Variants in CPA6 observed in about 807,000 individuals in gnomAD.
The protein encoded by CPA6 is carboxypeptidase A6, also known as carboxypeptidase B.
A neutral mutation model predicts 63.3 loss-of-function variants in CPA6; 58 were observed. That is an observed-to-expected ratio of 0.92 (90% CI 0.74 to 1.14). The LOEUF (loss-of-function observed/expected upper bound fraction) is 1.14. Ranked by LOEUF, CPA6 falls within the 50% of genes most tolerant of loss-of-function variation. The probability of loss-of-function intolerance (pLI) is 0.00; values close to 1 mark genes in which losing one functional copy is unlikely to be tolerated. For missense variants in CPA6, 565 were observed against 526.6 expected (o/e 1.07, Z -0.71); for synonymous variants, 185 against 179.0 (o/e 1.03, Z -0.27).
intron 1 of CPA6, among the ~76,000 whole-genome samples, chr8:67,705,361 G>A (rs1050119145): frequency 1.3e-5 from 2 of 152,148 alleles, no homozygotes; most frequent in Non-Finnish European, 2.9e-5. Flanking sequence ...CTCTGGAGGT[G>A]GCAAGTAAAA....
chr8:67,567,130 TACTC>T (rs1366665889), intron 2 of CPA6, among the ~76,000 whole-genome samples: 1 of 152,196 alleles, frequency 6.6e-6, no homozygotes, highest in Non-Finnish European at 1.5e-5. Context: ...GCCTCTACCT[TACTC>T]ACCTCTTTCT....
chr8:67,728,761 C>T lies in CPA6; in HGVS notation c.116+17253G>A, dbSNP rs114709099. Reference sequence around the variant, plus strand: ...TATTTTAGATATGAGAAAATTGAGGCACAGGGATATTAAGTAATTCCTTCC... The same window carrying T: ...TATTTTAGATATGAGAAAATTGAGGTACAGGGATATTAAGTAATTCCTTCC... On this transcript the variant is annotated intron_variant, in intron 1 of 10. Transcript: ENST00000297770. Among the ~76,000 whole-genome samples, 854 of 152,224 alleles carry T rather than the reference C, an allele frequency of 5.6e-3. 12 individuals carry two copies. The highest frequency in any genetic ancestry group is 0.017 in the African/African-American group (701 of 41,528).
chr8:67,579,041 T>G (rs950584948), intron 2 of CPA6, among the ~76,000 whole-genome samples: 3 of 152,234 alleles, frequency 2.0e-5, no homozygotes, highest in African/African-American at 7.2e-5. Context: ...CTTTAATATA[T>G]TTAAACAACG....
chr8:67,630,945 C>T (rs527535417), intron 1 of CPA6, among the ~76,000 whole-genome samples: 4 of 152,382 alleles, frequency 2.6e-5, no homozygotes, highest in Non-Finnish European at 5.9e-5. Context: ...CTTGCCAGGC[C>T]TCAGCTGCCT....
intron 8 of CPA6, among the ~76,000 whole-genome samples, chr8:67,437,550 G>A (rs189231739): frequency 3.7e-4 from 56 of 152,296 alleles, no homozygotes; most frequent in African/African-American, 1.3e-3. Context: ...CAGAACTGAT[G>A]AGCCAGAGAA....
intron 1 of CPA6, among the ~76,000 whole-genome samples, chr8:67,692,191 C>T (rs978130560): frequency 1.3e-5 from 2 of 152,086 alleles, no homozygotes; most frequent in Non-Finnish European, 2.9e-5. Flanking sequence ...ACAAAATTAG[C>T]CGGGCATGGT....
chr8:67,458,132 A>G (rs1037758362), intron 8 of CPA6, among the ~76,000 whole-genome samples: 1 of 152,224 alleles, frequency 6.6e-6, no homozygotes, highest in Non-Finnish European at 1.5e-5. Flanking sequence ...ATGTAAAAAG[A>G]AAAACTCTAA....
At chr8:67,448,451 T>C (rs1369995409) in intron 8 of CPA6, among the ~76,000 whole-genome samples, 6 of 151,402 alleles carry the variant, frequency 4.0e-5, no homozygotes, top group African/African-American at 1.2e-4. Flanking sequence ...GGCAACATGG[T>C]AAAACCAAGT....
At chr8:67,647,335 C>CTTTCTT (rs576153485) in intron 1 of CPA6, among the ~76,000 whole-genome samples, 2 of 145,174 alleles carry the variant, frequency 1.4e-5, no homozygotes, top group Non-Finnish European at 1.5e-5. Context: ...ATAGGATAAT[C>CTTTCTT]TTTTTTTTTT....
At chr8:67,737,654 A>C (rs913634711) in intron 1 of CPA6, among the ~76,000 whole-genome samples, 1 of 152,194 alleles carries the variant, frequency 6.6e-6, no homozygotes, top group Non-Finnish European at 1.5e-5. Context: ...CTGCTCTTTC[A>C]TCTCTGTAGT....
intron 1 of CPA6, among the ~76,000 whole-genome samples, chr8:67,664,569 G>A (rs1816187012): frequency 6.6e-6 from 1 of 152,114 alleles, no homozygotes; most frequent in South Asian, 2.1e-4. Context: ...CCAAGCTCCA[G>A]AAACAGCCCC....
At chr8:67,647,887 AC>A (rs1815748343) in intron 1 of CPA6, among the ~76,000 whole-genome samples, 2 of 151,834 alleles carry the variant, frequency 1.3e-5, no homozygotes, top group South Asian at 4.2e-4. Flanking sequence ...ATCATTTACT[AC>A]CCCCCTAAAA....
intron 1 of CPA6, among the ~76,000 whole-genome samples, chr8:67,626,867 C>CTTT (rs200573210): frequency 7.0e-6 from 1 of 142,070 alleles, no homozygotes; most frequent in African/African-American, 2.6e-5. Flanking sequence ...ATGAGAATAA[C>CTTT]TTTTTTTTTT....
At chr8:67,517,655 T>C (rs1054929540) in intron 3 of CPA6, among the ~76,000 whole-genome samples, 29 of 152,184 alleles carry the variant, frequency 1.9e-4, no homozygotes, top group African/African-American at 6.8e-4. Flanking sequence ...GCTAGGCTGC[T>C]CTCCTTTCTT....
intron 1 of CPA6, among the ~76,000 whole-genome samples, chr8:67,673,369 TTATTATTA>T (rs1236491971): frequency 1.1e-4 from 15 of 134,070 alleles, no homozygotes; most frequent in Admixed American, 2.9e-4. Context: ...ATTATTATTA[TTATTATTA>T]TTATTTATTT....
chr8:67,476,303 CA>C (rs1811236010), intron 8 of CPA6, among the ~76,000 whole-genome samples: 1 of 151,994 alleles, frequency 6.6e-6, no homozygotes, highest in Non-Finnish European at 1.5e-5. Context: ...ATGCCCGCCC[CA>C]AAGTAGGACA....
At chr8:67,554,486 T>A (rs1813016466) in intron 2 of CPA6, among the ~76,000 whole-genome samples, 1 of 152,102 alleles carries the variant, frequency 6.6e-6, no homozygotes, top group Admixed American at 6.5e-5. Context: ...TCCTACTAGG[T>A]TTCACCTTCA....
intron 8 of CPA6, among the ~76,000 whole-genome samples, chr8:67,474,613 A>G (rs1276904359): frequency 1.3e-5 from 2 of 152,166 alleles, no homozygotes; most frequent in African/African-American, 4.8e-5. Context: ...AATGCACACT[A>G]CTGACTTCAT....
At chr8:67,462,364 A>C (rs1251290696) in intron 8 of CPA6, among the ~76,000 whole-genome samples, 3 of 152,206 alleles carry the variant, frequency 2.0e-5, no homozygotes, top group East Asian at 1.9e-4. Flanking sequence ...ATTCTGGCTA[A>C]ATATAGTATT....
Sources: allele counts gnomAD v4.1 joint callset (sites outside exome capture counted in the v4.1 genomes callset), GRCh38; gene constraint gnomAD v4.1.1; transcripts MANE v1.5; gene names NCBI Gene and HGNC (gene_info 2026-07-23, HGNC 2026-07-21).